Variants in HDAC8 observed in about 807,000 individuals in gnomAD.
The protein encoded by HDAC8 is histone deacetylase 8.
In HDAC8, 1 loss-of-function variant was observed where a neutral mutation model predicts 32.2. The observed-to-expected ratio is 0.03, with a 90% CI of 0.01 to 0.15. The LOEUF (loss-of-function observed/expected upper bound fraction) is 0.15, where lower values mean the gene tolerates loss of function less well. HDAC8 is among the 10% of genes least tolerant of loss of function. The pLI is 1.00. For missense variants in HDAC8, 117 were observed against 300.0 expected (o/e 0.39, Z 4.51); for synonymous variants, 108 against 113.9 (o/e 0.95, Z 0.33).
intron 9 of HDAC8, among the ~76,000 whole-genome samples, chrX:72,459,007 C>G (rs2047797033): frequency 1.8e-5 from 2 of 111,814 alleles, no homozygotes; most frequent in Non-Finnish European, 3.8e-5. Flanking sequence ...AGGCACCAGT[C>G]CCTTTCTGAT....
intron 4 of HDAC8, among the ~76,000 whole-genome samples, chrX:72,521,500 A>G (rs2049980464): frequency 9.0e-6 from 1 of 111,192 alleles, no homozygotes; most frequent in Non-Finnish European, 1.9e-5. Flanking sequence ...GATTTCTGAG[A>G]GAAACGGCTG....
At chrX:72,474,374 A>T in intron 7 of HDAC8, 1 of 856,502 alleles carries the variant, frequency 1.2e-6, no homozygotes, top group African/African-American at 2.1e-5. Flanking sequence ...TAGGCATTCA[A>T]TAAATAGTCA....
chrX:72,339,669 G>A (rs782779073), intron 10 of HDAC8, among the ~76,000 whole-genome samples: 5 of 112,075 alleles, frequency 4.5e-5, no homozygotes, highest in Non-Finnish European at 9.4e-5. Context: ...AGGCCATGGG[G>A]AGCCTCTGAG....
At chrX:72,481,065 T>TA (rs1242135895) in intron 7 of HDAC8, among the ~76,000 whole-genome samples, 179 of 97,747 alleles carry the variant, frequency 1.8e-3, no homozygotes, top group Middle Eastern at 5.1e-3. Context: ...GAACTTAAAG[T>TA]AAAAAAAAAA....
chrX:72,365,145 T>C (rs2044662978), intron 9 of HDAC8, among the ~76,000 whole-genome samples: 1 of 112,110 alleles, frequency 8.9e-6, no homozygotes, highest in Non-Finnish European at 1.9e-5. Context: ...TAGTTGAGCA[T>C]GCCTAATCCC....
chrX:72,347,709 G>A (rs782048819), intron 10 of HDAC8, among the ~76,000 whole-genome samples: 2 of 112,176 alleles, frequency 1.8e-5, no homozygotes, highest in South Asian at 3.8e-4. Flanking sequence ...AAGGTTCACC[G>A]TGAGCCAGTT....
intron 5 of HDAC8, among the ~76,000 whole-genome samples, chrX:72,494,472 T>G (rs2148141738): frequency 9.0e-6 from 1 of 111,051 alleles, no homozygotes. Flanking sequence ...TAAATGGAAA[T>G]ACTACGTGTC....
At chrX:72,446,539 G>A (rs1335343881) in intron 9 of HDAC8, among the ~76,000 whole-genome samples, 1 of 110,267 alleles carries the variant, frequency 9.1e-6, no homozygotes, top group Non-Finnish European at 1.9e-5. Flanking sequence ...CTGTTGCGGG[G>A]TGGGGGAACG....
At chrX:72,472,271 T>G (rs1214320533) in intron 7 of HDAC8, among the ~76,000 whole-genome samples, 1 of 108,901 alleles carries the variant, frequency 9.2e-6, no homozygotes, top group East Asian at 2.9e-4. Context: ...GTTTCACCGT[T>G]TTAGCCGGGA....
chrX:72,550,274 C>T, intron 4 of HDAC8, among the ~76,000 whole-genome samples: 1 of 110,629 alleles, frequency 9.0e-6, no homozygotes, highest in Non-Finnish European at 1.9e-5. Context: ...CCAAACTTAT[C>T]TCTGGCCATT....
chrX:72,447,436 C>T (rs1418191179), intron 9 of HDAC8, among the ~76,000 whole-genome samples: 1 of 111,836 alleles, frequency 8.9e-6, no homozygotes, highest in East Asian at 2.8e-4. Flanking sequence ...TGGAACATAT[C>T]TCAAAATAAT....
intron 7 of HDAC8, among the ~76,000 whole-genome samples, chrX:72,483,902 T>C (rs1556004463): frequency 5.3e-5 from 6 of 112,302 alleles, no homozygotes; most frequent in Non-Finnish European, 7.5e-5. Context: ...AACTTAGGCT[T>C]TAATGAGCTA....
chrX:72,426,066 G>A (rs1449106931), intron 9 of HDAC8, among the ~76,000 whole-genome samples: 1 of 111,559 alleles, frequency 9.0e-6, no homozygotes, highest in Non-Finnish European at 1.9e-5. Context: ...TTTTTTACAA[G>A]GTTATATTTT....
chrX:72,518,045 G>A (rs1256020506), intron 4 of HDAC8, among the ~76,000 whole-genome samples: 1 of 111,522 alleles, frequency 9.0e-6, no homozygotes, highest in Non-Finnish European at 1.9e-5. Context: ...TTTTTTACAT[G>A]ATTCATAGTT....
chrX:72,347,166 A>G (rs1555947220), intron 10 of HDAC8, among the ~76,000 whole-genome samples: 1 of 111,515 alleles, frequency 9.0e-6, no homozygotes, highest in Admixed American at 9.4e-5. Flanking sequence ...ATCCTCCCTG[A>G]GCCTCAGTTT....
At chrX:72,360,083 G>A (rs1470570362) in intron 9 of HDAC8, among the ~76,000 whole-genome samples, 3 of 108,258 alleles carry the variant, frequency 2.8e-5, no homozygotes, top group African/African-American at 1.0e-4. Flanking sequence ...AAGTCTGGGC[G>A]TGGTGGCTCA....
chrX:72,379,446 C>T (rs2045198189), intron 9 of HDAC8, among the ~76,000 whole-genome samples: 1 of 108,570 alleles, frequency 9.2e-6, no homozygotes, highest in Admixed American at 9.9e-5. Flanking sequence ...TCTCCCTCTC[C>T]CCAGAGTTTT....
intron 4 of HDAC8, among the ~76,000 whole-genome samples, chrX:72,519,459 A>C (rs782611631): frequency 2.7e-5 from 3 of 112,343 alleles, no homozygotes; most frequent in Non-Finnish European, 5.6e-5. Flanking sequence ...ATCCTTGCCA[A>C]CACTTATTGT....
chrX:72,480,321 T>C, intron 7 of HDAC8: 1 of 325,099 alleles, frequency 3.1e-6, no homozygotes, highest in Admixed American at 3.2e-5. Context: ...AGAATAAGTT[T>C]GTAAAGAATT....
Sources: gnomAD v4.1 joint callset for allele counts (sites outside exome capture counted in the v4.1 genomes callset) on GRCh38, gnomAD v4.1.1 for gene constraint, MANE v1.5 for transcripts, NCBI Gene and HGNC (gene_info 2026-07-23, HGNC 2026-07-21) for gene names.